The following GPHN variants were observed in gnomAD, a reference collection of about 807,000 sequenced individuals.
GPHN encodes gephyrin.
In GPHN, 17 loss-of-function variants were observed where a neutral mutation model predicts 95.5. The ratio of observed to expected loss-of-function variants is 0.18; its 90% CI spans 0.12 to 0.27. The LOEUF (loss-of-function observed/expected upper bound fraction) is 0.27, where lower values mean the gene tolerates loss of function less well. GPHN is among the 10% of genes least tolerant of loss of function. GPHN has a pLI of 1.00. For synonymous variants in GPHN, 320 were observed against 322.5 expected, an observed-to-expected ratio of 0.99 and a Z score of 0.08; for missense variants, 660 against 978.1, an observed-to-expected ratio of 0.67 and a Z score of 4.34.
intron 1 of GPHN, among the ~76,000 whole-genome samples, chr14:66,591,477 T>C (rs1010334228): frequency 6.6e-6 from 1 of 152,114 alleles, no homozygotes; most frequent in Non-Finnish European, 1.5e-5. Context: ...ACAAAATCAA[T>C]GTGCAAAAAT....
intron 10 of GPHN, among the ~76,000 whole-genome samples, chr14:67,028,339 A>T (rs1398968720): frequency 2.6e-5 from 4 of 152,206 alleles, no homozygotes; most frequent in African/African-American, 7.2e-5. Flanking sequence ...GGGTACAGGC[A>T]TCTCTTTTGA....
At position 66,680,784 on chromosome 14, in the gene GPHN, G is replaced by A. The variant is rs113170655; in HGVS notation, c.65-323G>A. Among the ~76,000 whole-genome samples, 88 of 152,214 alleles carry A rather than the reference G, an allele frequency of 5.8e-4. 3 individuals carry two copies. Among genetic ancestry groups the A allele is most frequent in the African/African-American group, 2.1e-3 (86 of 41,548 alleles). ...TTTTTTCCTAGTTGTTGTGGGGGCAGTGACTTGCTACTGTGTACTAGTAAA... is the reference window on the plus strand; with the variant it reads ...TTTTTTCCTAGTTGTTGTGGGGGCAATGACTTGCTACTGTGTACTAGTAAA... On this transcript the variant is annotated intron_variant, in intron 1 of 22. Coordinates refer to ENST00000478722, the MANE Select transcript of GPHN (RefSeq NM_020806.5).
At chr14:67,674,749 A>G in the GPHN span, 1 of 354,392 alleles carries the variant, frequency 2.8e-6, no homozygotes, top group Non-Finnish European at 5.1e-6. Context: ...CTCCTGAGGG[A>G]GCGGTGCCGC....
At chr14:67,112,988 C>T (rs749731206) in intron 15 of GPHN, 30 bp from the exon 16 acceptor site, 8 of 1,609,086 alleles carry the variant, frequency 5.0e-6, no homozygotes, top group Non-Finnish European at 6.8e-6. Flanking sequence ...TCTCTAATCA[C>T]ACTGCTTATG....
intron 1 of GPHN, among the ~76,000 whole-genome samples, chr14:66,555,286 G>A (rs2059964471): frequency 1.3e-5 from 2 of 152,080 alleles, no homozygotes; most frequent in South Asian, 2.1e-4. Context: ...ATTGCATTAA[G>A]TTCTATAATA....
intron 16 of GPHN, 94 bp from the exon 17 acceptor site, chr14:67,122,162 A>G: frequency 1.6e-6 from 2 of 1,212,870 alleles, no homozygotes; most frequent in South Asian, 2.4e-5. Context: ...TAGGTGCTAG[A>G]TATGCTAAAC....
chr14:67,670,123 G>A, the GPHN span, among the ~76,000 whole-genome samples: 1 of 152,134 alleles, frequency 6.6e-6, no homozygotes, highest in East Asian at 1.9e-4. Context: ...CCGTTAGCAA[G>A]GTGACTGCCC....
At chr14:67,562,824 G>A in the GPHN span, 1 of 1,613,794 alleles carries the variant, frequency 6.2e-7, no homozygotes, top group South Asian at 1.1e-5. Flanking sequence ...AAGGCCCTTG[G>A]AGCTGAGCTG....
intron 9 of GPHN, among the ~76,000 whole-genome samples, chr14:67,000,749 T>C (rs1444153178): frequency 6.6e-6 from 1 of 151,628 alleles, no homozygotes; most frequent in Non-Finnish European, 1.5e-5. Flanking sequence ...AATTAGTATA[T>C]ATCTCTCTCT....
chr14:67,450,223 C>T, the GPHN span, among the ~76,000 whole-genome samples: 1 of 152,010 alleles, frequency 6.6e-6, no homozygotes, highest in Non-Finnish European at 1.5e-5. Flanking sequence ...CATTAAACCT[C>T]TTTCTTTTGT....
chr14:67,456,407 C>T, the GPHN span, among the ~76,000 whole-genome samples: 3 of 152,142 alleles, frequency 2.0e-5, no homozygotes, highest in Admixed American at 2.0e-4. Context: ...TTGAGGCCAG[C>T]CTGGCCAACA....
chr14:67,199,282 G>A, the GPHN span: 3 of 1,603,404 alleles, frequency 1.9e-6, no homozygotes, highest in African/African-American at 4.0e-5. Flanking sequence ...TTAAGATCAT[G>A]AACATGATCA....
intron 2 of GPHN, among the ~76,000 whole-genome samples, chr14:66,730,605 T>TA (rs2071676988): frequency 6.6e-6 from 1 of 152,186 alleles, no homozygotes; most frequent in South Asian, 2.1e-4. Flanking sequence ...TTAAAATAGT[T>TA]ATACATCGTT....
chr14:66,810,745 T>C (rs972018833), intron 3 of GPHN, among the ~76,000 whole-genome samples: 12 of 152,168 alleles, frequency 7.9e-5, no homozygotes, highest in African/African-American at 2.9e-4. Flanking sequence ...TCTTGTTATG[T>C]ACCCAAATTT....
At chr14:66,771,016 G>T (rs1322684926) in intron 2 of GPHN, among the ~76,000 whole-genome samples, 1 of 152,066 alleles carries the variant, frequency 6.6e-6, no homozygotes, top group Admixed American at 6.6e-5. Flanking sequence ...TGAATAAAAG[G>T]ATTCTCAGGC....
the GPHN span, among the ~76,000 whole-genome samples, chr14:67,642,804 T>C: frequency 3.3e-3 from 416 of 124,454 alleles, 8 homozygotes; most frequent in African/African-American, 3.6e-3. Context: ...TTTTTTTTTT[T>C]TTTTTTTTTT....
the GPHN span, among the ~76,000 whole-genome samples, chr14:67,419,253 G>A: frequency 2.4e-4 from 37 of 152,242 alleles, no homozygotes; most frequent in East Asian, 7.2e-3. Flanking sequence ...TTGGCCTAGG[G>A]ATGTCTGAGG....
At chr14:66,707,488 C>CA (rs1337774893) in intron 2 of GPHN, among the ~76,000 whole-genome samples, 1 of 152,032 alleles carries the variant, frequency 6.6e-6, no homozygotes, top group Non-Finnish European at 1.5e-5. Flanking sequence ...CAGTCACAAA[C>CA]AGAGAATGCG....
chr14:67,361,372 A>G, the GPHN span, among the ~76,000 whole-genome samples: 1 of 152,226 alleles, frequency 6.6e-6, no homozygotes, highest in Non-Finnish European at 1.5e-5. Context: ...CTGGTGCCAA[A>G]AGATGTAGTT....
Sources: gnomAD v4.1 joint callset for allele counts (sites outside exome capture counted in the v4.1 genomes callset) on GRCh38, gnomAD v4.1.1 for gene constraint, MANE v1.5 for transcripts, NCBI Gene and HGNC (gene_info 2026-07-23, HGNC 2026-07-21) for gene names.